TGM3: variants seen among roughly 807,000 people sequenced by gnomAD.
The protein encoded by TGM3 is transglutaminase 3, also known as protein-glutamine gamma-glutamyltransferase E.
A neutral mutation model predicts 73.8 loss-of-function variants in TGM3; 52 were observed. The ratio of observed to expected loss-of-function variants is 0.70; its 90% confidence interval spans 0.56 to 0.89. The LOEUF (loss-of-function observed/expected upper bound fraction) is 0.89. Among genes scored for constraint, TGM3 ranks in the 40% least tolerant of loss-of-function variants. The probability of loss-of-function intolerance (pLI) is 0.00; values close to 1 mark genes in which losing one functional copy is unlikely to be tolerated. For missense variants in TGM3, 928 were observed against 909.9 expected, an observed-to-expected ratio of 1.02 and a Z score of -0.26; for synonymous variants, 372 against 354.9, an observed-to-expected ratio of 1.05 and a Z score of -0.54.
In TGM3 at chr20:2,338,397, A is replaced by T. The variant is rs6137720; in HGVS notation, c.1801-1457A>T. The stretch of plus-strand genomic sequence containing the variant: ...AAATCTCAAATTAAATATCACCATG[A>T]AAAATGTGGCAACATCTGTATAGCT... On this transcript the variant is annotated intron_variant, in intron 11 of 12. Coordinates refer to ENST00000381458, the MANE Select transcript of TGM3 (RefSeq NM_003245.4). Among the ~76,000 whole-genome samples the T allele has an allele frequency of 1.2e-3, 177 of 152,354 alleles. 2 individuals are homozygous for T. The East Asian group carries it at 0.029, about 25-fold the overall frequency.
rs376340232 is a variant in TGM3 at position 2,317,515 on chromosome 20, G to A, written c.983+30G>A. ...GTATCTCACCTTTTCCCTGAACTTC[G>A]AGCACCACATTTGAGTGGCTTCTCG... On this transcript the variant is annotated intron_variant, in intron 7 of 12. Coordinates refer to ENST00000381458, the MANE Select transcript of TGM3 (RefSeq NM_003245.4). 23 of 1,612,352 alleles carry A rather than the reference G, an allele frequency of 1.4e-5. No individual in the cohort carries two copies. The African/African-American group carries it at 2.7e-4, about 19-fold the overall frequency.
At chr20:2,325,446 C>T (rs1027359735) in intron 7 of TGM3, among the ~76,000 whole-genome samples, 4 of 152,138 alleles carry the variant, frequency 2.6e-5, no homozygotes, top group Non-Finnish European at 4.4e-5. Flanking sequence ...AGAAGCATAC[C>T]CCGCCAGGCA....
rs377223591 is a variant in TGM3, at chr20:2,317,427, G to A, written c.925G>A (p.Val309Met). ...SAHDTDRNLS[V>M]DVYYDPMGNP... ...TCATGACACAGACCGAAATCTCAGT[G>A]TGGATGTGTACTACGACCCCATGGG... The change falls in exon 7 of 13, where the codon GTG (valine) becomes ATG (methionine). Residue 309 changes from valine (V) to methionine (M), a missense_variant. Val to Met is a conservative substitution (Grantham distance 21). Transcript: ENST00000381458. The A allele has an allele frequency of 1.2e-6, 2 of 1,614,130 alleles. No homozygotes were observed. The highest frequency in any genetic ancestry group is 1.3e-5 in the African/African-American group (1 of 74,950).
intron 4 of TGM3, among the ~76,000 whole-genome samples, 179 bp from the exon 5 acceptor site, chr20:2,312,719 G>A (rs542302996): frequency 6.6e-6 from 1 of 152,234 alleles, no homozygotes; most frequent in East Asian, 1.9e-4. Context: ...TGAGTGCTCT[G>A]GATGAGTTTG....
At chr20:2,324,593 G>A (rs1335638836) in intron 7 of TGM3, among the ~76,000 whole-genome samples, 1 of 152,184 alleles carries the variant, frequency 6.6e-6, no homozygotes, top group Non-Finnish European at 1.5e-5. Flanking sequence ...CTCATGGTCT[G>A]CCTCATCCAT....
intron 11 of TGM3, among the ~76,000 whole-genome samples, chr20:2,338,534 C>A (rs1292240554): frequency 1.3e-5 from 2 of 152,180 alleles, no homozygotes; most frequent in Admixed American, 6.5e-5. Flanking sequence ...TAAAATGCTT[C>A]AATTACTCAC....
chr20:2,324,563 T>C (rs577838722), intron 7 of TGM3, among the ~76,000 whole-genome samples: 1 of 152,316 alleles, frequency 6.6e-6, no homozygotes, highest in African/African-American at 2.4e-5. Flanking sequence ...AGTTCAGGGC[T>C]TTTATCTCCA....
At position 2,339,909 on chromosome 20, in the gene TGM3, A is replaced by G; in HGVS notation, c.1856A>G (p.Asn619Ser). The change falls in exon 12 of 13, where the codon AAT becomes AGT. Residue 619 changes from asparagine (N) to serine (S), a missense_variant. Asn to Ser is a conservative substitution (Grantham distance 46, BLOSUM62 1). Transcript: ENST00000381458. ...KPVNVQMLFS[N>S]PLDEPVRDCV... Reference sequence around the variant, plus strand: ...GTGAACGTGCAGATGCTCTTCTCCAATCCACTGGATGAGCCGGTGAGGGAC... The same window carrying G: ...GTGAACGTGCAGATGCTCTTCTCCAGTCCACTGGATGAGCCGGTGAGGGAC... 6.2e-7 allele frequency: 1 copy of G among 1,613,802 alleles called. No homozygotes were observed.
intron 1 of TGM3, among the ~76,000 whole-genome samples, chr20:2,301,672 G>T (rs959987626): frequency 2.0e-5 from 3 of 151,844 alleles, no homozygotes; most frequent in African/African-American, 7.3e-5. Flanking sequence ...TCTCTCAATA[G>T]AGCTTAAAAA....
In TGM3 at chr20:2,340,492, C is replaced by T. The variant is rs150949349; in HGVS notation, c.1993C>T (p.Arg665Trp). ...SRVRFDILPS[R>W]SGTKQLLADF... is the part of the protein sequence containing the mutation. ...GGTCCGTTTTGATATCCTGCCCTCC[C>T]GGAGTGGCACCAAGCAACTGCTCGC... The change falls in exon 13 of 13, where the codon CGG (arginine) becomes TGG (tryptophan). Residue 665 changes from arginine (R) to tryptophan (W), a missense_variant. Transcript: ENST00000381458. The T allele has an allele frequency of 2.5e-3, 4,055 of 1,614,168 alleles. 21 individuals carry two copies. Among genetic ancestry groups the T allele is most frequent in the Non-Finnish European group, 2.2e-3 (2,553 of 1,180,030 alleles).
chr20:2,328,340 C>T lies in TGM3; in HGVS notation c.1308C>T (p.Val436=). ...KAVGSNARMD[V]TDKYKYPEGS... The stretch of plus-strand genomic sequence containing the variant: ...TGGGCAGCAATGCTCGCATGGACGT[C>T]ACGGACAAGTACAAGTACCCAGAAG... The change falls in exon 9 of 13, where the codon GTC becomes GTT. Residue 436 remains valine, a synonymous_variant. Coordinates refer to ENST00000381458, the MANE Select transcript of TGM3 (RefSeq NM_003245.4). The surrounding 1 kb of genome is among the most constrained non-coding windows in gnomAD (Gnocchi z 5.2). The T allele has an allele frequency of 1.2e-6, 2 of 1,614,174 alleles. No homozygotes were observed. Among genetic ancestry groups the T allele is most frequent in the Non-Finnish European group, 1.7e-6 (2 of 1,180,034 alleles).
At chr20:2,299,909 C>A (rs1448889562) in intron 1 of TGM3, among the ~76,000 whole-genome samples, 2 of 152,002 alleles carry the variant, frequency 1.3e-5, no homozygotes, top group African/African-American at 4.8e-5. Flanking sequence ...ACCAGCCTGG[C>A]CAATACGACA....
chr20:2,328,206 G>C lies in TGM3; in HGVS notation c.1174G>C (p.Glu392Gln). ...CTTCGACATGCCCTTTATCTTCGCG[G>C]AGGTTAATGCCGACCGCATCACCTG... ...LNFDMPFIFA[E>Q]VNADRITWLY... The change falls in exon 9 of 13, where the codon GAG becomes CAG. Residue 392 changes from glutamate (E) to glutamine (Q), a missense_variant. Glu to Gln is a conservative substitution (Grantham distance 29). Coordinates refer to ENST00000381458, the MANE Select transcript of TGM3 (RefSeq NM_003245.4). The surrounding 1 kb of genome is among the most constrained non-coding windows in gnomAD (Gnocchi z 5.2). 1.2e-6 allele frequency: 2 copies of C among 1,614,188 alleles called. No individual in the cohort carries two copies.
At position 2,335,139 on chromosome 20, in the gene TGM3, T is replaced by C; in HGVS notation, c.1666T>C (p.Ser556Pro). Reference protein sequence around the residue: ...EEEAEHPIKISYAQYEKYLKS... With the variant: ...EEEAEHPIKIPYAQYEKYLKS... ...AGAGGCAGAACATCCCATAAAGATC[T>C]CGTACGCTCAGTATGAGAAGTACCT... Residue 556 changes from serine to proline, a missense_variant, in exon 11 of 13, where the codon TCG (serine) becomes CCG (proline). By Grantham distance (74) the Ser-to-Pro change is moderately conservative. Transcript: ENST00000381458. The C allele has an allele frequency of 3.7e-6, 6 of 1,614,216 alleles. No homozygotes were observed. The highest frequency in any genetic ancestry group is 5.1e-6 in the Non-Finnish European group (6 of 1,180,030).
At chr20:2,318,559 G>A (rs2084247484) in intron 7 of TGM3, among the ~76,000 whole-genome samples, 1 of 152,112 alleles carries the variant, frequency 6.6e-6, no homozygotes, top group African/African-American at 2.4e-5. Context: ...ATGGCAATTG[G>A]CAATGATGTC....
At chr20:2,298,362 G>A (rs529415356) in intron 1 of TGM3, among the ~76,000 whole-genome samples, 1 of 152,310 alleles carries the variant, frequency 6.6e-6, no homozygotes, top group South Asian at 2.1e-4. Context: ...GAGGGCCCCA[G>A]TGTGGAGGGG....
At chr20:2,315,278 G>A (rs754848347) in intron 5 of TGM3, among the ~76,000 whole-genome samples, 3 of 152,210 alleles carry the variant, frequency 2.0e-5, no homozygotes, top group Non-Finnish European at 4.4e-5. Context: ...GCTGGGCTGG[G>A]CCATGAACTA....
chr20:2,304,589 C>T (rs1159703851), intron 1 of TGM3, among the ~76,000 whole-genome samples: 1 of 152,132 alleles, frequency 6.6e-6, no homozygotes, highest in Non-Finnish European at 1.5e-5. Flanking sequence ...AAGGAGGTTT[C>T]GGGACCACAG....
At chr20:2,318,800 T>C (rs1568627675) in intron 7 of TGM3, among the ~76,000 whole-genome samples, 1 of 152,240 alleles carries the variant, frequency 6.6e-6, no homozygotes, top group East Asian at 1.9e-4. Context: ...CTAACTTATC[T>C]GAAATGTGCT....
Sources: gnomAD v4.1 joint callset for allele counts (sites outside exome capture counted in the v4.1 genomes callset) on GRCh38, gnomAD v4.1.1 for gene constraint, Gnocchi (gnomAD v3.1) non-coding constraint, MANE v1.5 for transcripts, NCBI Gene and HGNC (gene_info 2026-07-23, HGNC 2026-07-21) for gene names.